Variants in MAF observed in about 807,000 individuals in gnomAD.
MAF encodes the protein transcription factor Maf.
MAF carries 10 observed loss-of-function variants against 22.0 expected under a neutral mutation model. The ratio of observed to expected loss-of-function variants is 0.45; its 90% CI spans 0.28 to 0.77. The LOEUF (loss-of-function observed/expected upper bound fraction) is 0.77, where lower values mean the gene tolerates loss of function less well. MAF is among the 30% of genes least tolerant of loss of function. MAF has a pLI of 0.12. For synonymous variants in MAF, 337 were observed against 255.8 expected, an observed-to-expected ratio of 1.32 and a Z score of -3.03; for missense variants, 544 against 548.4, an observed-to-expected ratio of 0.99 and a Z score of 0.08.
chr16:79,328,105 A>T, the MAF span, among the ~76,000 whole-genome samples: 2 of 152,338 alleles, frequency 1.3e-5, no homozygotes, highest in Admixed American at 6.5e-5. Context: ...TCATCCCTGC[A>T]GCATGCATTA....
At chr16:79,533,505 G>A in the MAF span, among the ~76,000 whole-genome samples, 111 of 152,234 alleles carry the variant, frequency 7.3e-4, no homozygotes, top group African/African-American at 2.5e-3. Flanking sequence ...TTTTACTTTC[G>A]TCCTCTGGTT....
chr16:79,599,941 A>G lies in MAF; in HGVS notation c.-39T>C. On this transcript the variant is annotated 5_prime_UTR_variant, in exon 1 of 2. Coordinates refer to ENST00000326043, the MANE Select transcript of MAF (RefSeq NM_005360.5). ...CCGCCGCCGCCGCCGCCGCTCCGCC[A>G]GATGGGCTGCAGGAGAGGGGCCAGC... 1 of 1,597,852 alleles carries G rather than the reference A, an allele frequency of 6.3e-7. No individual in the cohort carries two copies. The highest frequency in any genetic ancestry group is 8.5e-7 in the Non-Finnish European group (1 of 1,179,268).
chr16:79,342,045 C>T, the MAF span, among the ~76,000 whole-genome samples: 1 of 152,232 alleles, frequency 6.6e-6, no homozygotes, highest in African/African-American at 2.4e-5. Context: ...TTATAGATAA[C>T]ATCCACTTAT....
the MAF span, among the ~76,000 whole-genome samples, chr16:79,341,930 A>T: frequency 6.6e-6 from 1 of 152,224 alleles, no homozygotes; most frequent in African/African-American, 2.4e-5. Flanking sequence ...TAGCAGCCAG[A>T]TGGAAAGTGA....
chr16:79,433,636 C>A, the MAF span, among the ~76,000 whole-genome samples: 1 of 152,080 alleles, frequency 6.6e-6, no homozygotes, highest in East Asian at 1.9e-4. Flanking sequence ...AAAGCTCATA[C>A]TATGTGAAGC....
the MAF span, among the ~76,000 whole-genome samples, chr16:79,502,541 C>T: frequency 6.6e-6 from 1 of 151,464 alleles, no homozygotes. Flanking sequence ...TGGTGCACAC[C>T]TGTAGTCCCA....
the MAF span, among the ~76,000 whole-genome samples, chr16:79,448,956 T>C: frequency 6.6e-6 from 1 of 152,284 alleles, no homozygotes; most frequent in African/African-American, 2.4e-5. Flanking sequence ...TATGATTACA[T>C]TGTATATATA....
the MAF span, among the ~76,000 whole-genome samples, chr16:79,407,869 A>G: frequency 6.6e-6 from 1 of 151,936 alleles, no homozygotes; most frequent in Non-Finnish European, 1.5e-5. Flanking sequence ...TGCACTTTTA[A>G]TTTGCATCCT....
At chr16:79,549,448 G>C in the MAF span, among the ~76,000 whole-genome samples, 8 of 152,216 alleles carry the variant, frequency 5.3e-5, no homozygotes, top group Non-Finnish European at 1.0e-4. Context: ...AGGCAAGCTA[G>C]AGCTGTACGT....
chr16:79,545,564 T>C, the MAF span, among the ~76,000 whole-genome samples: 4 of 151,896 alleles, frequency 2.6e-5, no homozygotes, highest in African/African-American at 7.3e-5. Flanking sequence ...TCGTGGACAT[T>C]ACAAAATTTA....
the MAF span, among the ~76,000 whole-genome samples, chr16:79,429,190 G>C: frequency 6.6e-6 from 1 of 152,122 alleles, no homozygotes; most frequent in Non-Finnish European, 1.5e-5. Context: ...CCAGAATTAA[G>C]GCTTAACTCT....
chr16:79,250,303 T>C, the MAF span, among the ~76,000 whole-genome samples: 2 of 152,330 alleles, frequency 1.3e-5, no homozygotes, highest in South Asian at 4.1e-4. Context: ...TCTGGTGAAA[T>C]TCCCTATTGT....
At chr16:79,371,849 C>G in the MAF span, among the ~76,000 whole-genome samples, 2 of 152,236 alleles carry the variant, frequency 1.3e-5, no homozygotes, top group South Asian at 4.1e-4. Flanking sequence ...CGAGGCAGAA[C>G]ACATCCTGAT....
At chr16:79,455,545 C>G in the MAF span, among the ~76,000 whole-genome samples, 1 of 152,140 alleles carries the variant, frequency 6.6e-6, no homozygotes, top group Non-Finnish European at 1.5e-5. Context: ...GCCAACATAC[C>G]TCAAGAAGAC....
the MAF span, among the ~76,000 whole-genome samples, chr16:79,546,216 C>G: frequency 6.6e-6 from 1 of 152,000 alleles, no homozygotes; most frequent in Non-Finnish European, 1.5e-5. Context: ...AGATCTATGT[C>G]CACCTTATAA....
the MAF span, among the ~76,000 whole-genome samples, chr16:79,306,326 A>T: frequency 6.6e-6 from 1 of 152,056 alleles, no homozygotes. Flanking sequence ...CAACAGTACC[A>T]CCCTCACAGG....
the MAF span, among the ~76,000 whole-genome samples, chr16:79,417,691 C>A: frequency 2.0e-5 from 3 of 152,186 alleles, no homozygotes; most frequent in African/African-American, 7.2e-5. Context: ...CCCCTCCCCA[C>A]ATGGCCCTCT....
At chr16:79,274,718 C>G in the MAF span, among the ~76,000 whole-genome samples, 1 of 152,282 alleles carries the variant, frequency 6.6e-6, no homozygotes, top group East Asian at 1.9e-4. Context: ...GCAGTCCTAC[C>G]CTCTGCCAAG....
At chr16:79,418,212 C>G in the MAF span, among the ~76,000 whole-genome samples, 1 of 152,108 alleles carries the variant, frequency 6.6e-6, no homozygotes, top group Non-Finnish European at 1.5e-5. Context: ...ACCATCTTCT[C>G]GTGTCTCCTT....
Sources: gnomAD v4.1 joint callset for allele counts (sites outside exome capture counted in the v4.1 genomes callset) on GRCh38, gnomAD v4.1.1 for gene constraint, MANE v1.5 for transcripts, NCBI Gene and HGNC (gene_info 2026-07-23, HGNC 2026-07-21) for gene names.